The following CASR variants were observed in gnomAD, a reference collection of about 807,000 sequenced individuals.
The protein encoded by CASR is extracellular calcium-sensing receptor.
A neutral mutation model predicts 69.1 loss-of-function variants in CASR; 23 were observed. The observed-to-expected ratio is 0.33, with a 90% CI of 0.24 to 0.47. The LOEUF (loss-of-function observed/expected upper bound fraction) is 0.47, where lower values mean the gene tolerates loss of function less well. Among genes scored for constraint, CASR ranks in the 20% least tolerant of loss-of-function variants. The probability of loss-of-function intolerance (pLI) is 1.00; values close to 1 mark genes in which losing one functional copy is unlikely to be tolerated. For missense variants in CASR, 924 were observed against 1,356.1 expected, an observed-to-expected ratio of 0.68 and a Z score of 5.00; for synonymous variants, 541 against 544.7, an observed-to-expected ratio of 0.99 and a Z score of 0.10.
intron 1 of CASR, among the ~76,000 whole-genome samples, chr3:122,206,830 C>T (rs2074012098): frequency 6.6e-6 from 1 of 151,906 alleles, no homozygotes; most frequent in Non-Finnish European, 1.5e-5. Context: ...GGAATTTATC[C>T]ATTTCTTCTA....
chr3:122,224,833 C>T (rs1177104242), intron 1 of CASR, among the ~76,000 whole-genome samples: 3 of 152,052 alleles, frequency 2.0e-5, no homozygotes, highest in African/African-American at 7.2e-5. Context: ...TGTGCTGGTA[C>T]AAAAACAGAC....
Position 122,254,054 on chromosome 3 carries a change from G to A in CASR, c.-136G>A, listed in dbSNP as rs531829278. The A allele has an allele frequency of 5.6e-5, 47 of 845,452 alleles. No individual in the cohort carries two copies. Among genetic ancestry groups the A allele is most frequent in the South Asian group, 4.5e-4 (34 of 74,786 alleles). The allele number at this position is 845,452 out of a possible 1,614,324, so 52.4% of individuals were successfully genotyped here. On this transcript the variant is annotated 5_prime_UTR_variant, in exon 2 of 7. Transcript: ENST00000639785. The stretch of plus-strand genomic sequence containing the variant: ...GCAGAAATGGAGATTCAAACACCAC[G>A]TCTTCTATTATTTTATTAATCAATC...
At chr3:122,228,861 C>T (rs191646332) in intron 1 of CASR, among the ~76,000 whole-genome samples, 5 of 152,212 alleles carry the variant, frequency 3.3e-5, no homozygotes, top group African/African-American at 9.6e-5. Flanking sequence ...CCACCATCCT[C>T]TCCTCCACAC....
intron 5 of CASR, 112 bp downstream of exon 5, chr3:122,276,154 T>G (rs1337299006): frequency 1.4e-6 from 1 of 739,610 alleles, no homozygotes; most frequent in Non-Finnish European, 2.5e-6. Flanking sequence ...AAGAGTCCAC[T>G]TCCCTGAACT....
chr3:122,255,893 AACCCAC>A (rs1462529810), intron 2 of CASR, among the ~76,000 whole-genome samples: 1 of 37,436 alleles, frequency 2.7e-5, no homozygotes, highest in Admixed American at 4.9e-4. Context: ...CAAGTAGTGA[AACCCAC>A]AATATAAAGA....
At position 122,285,418 on chromosome 3, in the gene CASR, A is replaced by C. The variant is rs1432312702; in HGVS notation, c.*227A>C. 1 of 532,252 alleles carries C rather than the reference A, an allele frequency of 1.9e-6. No individual in the cohort carries two copies. The highest frequency in any genetic ancestry group is 3.4e-6 in the Non-Finnish European group (1 of 295,568). 33.0% of individuals were successfully genotyped at this position (532,252 alleles called of 1,614,324 possible). ...TTTCTGTGGTTGCATTTGTCAAAGC[A>C]TTGAGATCTCCACGGTCAGATTTGC... On this transcript the variant is annotated 3_prime_UTR_variant, in exon 7 of 7. Coordinates refer to ENST00000639785, the MANE Select transcript of CASR (RefSeq NM_000388.4).
chr3:122,267,954 T>C (rs1174974076), intron 4 of CASR, among the ~76,000 whole-genome samples: 3 of 152,198 alleles, frequency 2.0e-5, no homozygotes, highest in Non-Finnish European at 4.4e-5. Flanking sequence ...ACCTACATTT[T>C]ATACCAGTTA....
At chr3:122,281,025 A>G (rs748990340) in intron 5 of CASR, among the ~76,000 whole-genome samples, 7 of 152,254 alleles carry the variant, frequency 4.6e-5, no homozygotes, top group Non-Finnish European at 7.3e-5. Context: ...TCCTAGAATG[A>G]ATAATCAATT....
At chr3:122,259,554 A>T (rs2074595996) in intron 3 of CASR, among the ~76,000 whole-genome samples, 1 of 145,028 alleles carries the variant, frequency 6.9e-6, no homozygotes, top group African/African-American at 2.5e-5. Context: ...AGTTGGCCTA[A>T]TTTTTTTACA....
chr3:122,222,028 A>G (rs9833145), intron 1 of CASR, among the ~76,000 whole-genome samples: 3,189 of 152,318 alleles, frequency 0.021, 113 homozygotes, highest in African/African-American at 0.073. Context: ...ATTGACTATA[A>G]TTCTACCCAA....
At chr3:122,251,110 T>C (rs1365310251) in intron 1 of CASR, among the ~76,000 whole-genome samples, 1 of 152,190 alleles carries the variant, frequency 6.6e-6, no homozygotes, top group East Asian at 1.9e-4. Context: ...ATTGAGCGTC[T>C]GCTGGGGTCA....
In CASR at chr3:122,226,105, A is replaced by T. The variant is rs200374994; in HGVS notation, c.-242-27843A>T. Among the ~76,000 whole-genome samples, 21 of 152,242 alleles carry T rather than the reference A, an allele frequency of 1.4e-4. No homozygotes were observed. The East Asian group carries it at 4.1e-3, about 29-fold the overall frequency. On this transcript the variant is annotated intron_variant, in intron 1 of 6. Transcript: ENST00000639785. ...GAAGATGGGGGGGTAGTGTGTCTGG[A>T]ATTGGTGGGCTCTTGGTCTCACTGA... is the stretch of plus-strand genomic sequence containing the variant.
intron 1 of CASR, among the ~76,000 whole-genome samples, chr3:122,193,977 T>C (rs2073863249): frequency 6.6e-6 from 1 of 152,080 alleles, no homozygotes; most frequent in African/African-American, 2.4e-5. Context: ...AAGACTGAGG[T>C]CCTAGGCCTG....
At chr3:122,252,409 A>AAAAGAAAAGAAAGAAAGAAAGAAAG (rs1553765629) in intron 1 of CASR, among the ~76,000 whole-genome samples, 5 of 6,474 alleles carry the variant, frequency 7.7e-4, no homozygotes, top group African/African-American at 2.9e-3. Context: ...GAAGGAAGGA[A>AAAAGAAAAGAAAGAAAGAAAGAAAG]AAAGAAAGAA....
chr3:122,243,415 T>C (rs1357509261), intron 1 of CASR, among the ~76,000 whole-genome samples: 3 of 152,090 alleles, frequency 2.0e-5, no homozygotes, highest in Non-Finnish European at 4.4e-5. Context: ...AACAGGAATA[T>C]GAAAAGGTGC....
intron 1 of CASR, among the ~76,000 whole-genome samples, chr3:122,229,012 T>C (rs1036702437): frequency 1.3e-5 from 2 of 152,224 alleles, no homozygotes; most frequent in Non-Finnish European, 2.9e-5. Context: ...TTATAAATGA[T>C]CTGATGCTCA....
At chr3:122,188,667 A>T (rs1367150797) in intron 1 of CASR, among the ~76,000 whole-genome samples, 1 of 152,200 alleles carries the variant, frequency 6.6e-6, no homozygotes. Flanking sequence ...GGTGGACATT[A>T]GACTTCACCT....
intron 1 of CASR, among the ~76,000 whole-genome samples, chr3:122,212,885 G>A (rs770130947): frequency 2.1e-4 from 32 of 152,168 alleles, no homozygotes; most frequent in Non-Finnish European, 2.2e-4. Flanking sequence ...CAGGTGATCC[G>A]CTTGCCTCGG....
At chr3:122,268,912 A>C (rs2074723724) in intron 4 of CASR, among the ~76,000 whole-genome samples, 1 of 152,202 alleles carries the variant, frequency 6.6e-6, no homozygotes, top group Admixed American at 6.5e-5. Context: ...TTAGCTCTGC[A>C]TTGTTAACAA....
Sources: gnomAD v4.1 joint callset for allele counts (sites outside exome capture counted in the v4.1 genomes callset) on GRCh38, gnomAD v4.1.1 for gene constraint, MANE v1.5 for transcripts, NCBI Gene and HGNC (gene_info 2026-07-23, HGNC 2026-07-21) for gene names.